The following HAO1 variants were observed in gnomAD, a reference collection of about 807,000 sequenced individuals.
HAO1 encodes 2-Hydroxyacid oxidase 1.
In HAO1, 34 loss-of-function variants were observed where a neutral mutation model predicts 39.7. The ratio of observed to expected loss-of-function variants is 0.86; its 90% CI spans 0.65 to 1.14. HAO1 has a LOEUF of 1.14. Ranked by LOEUF, HAO1 falls within the 50% of genes most tolerant of loss-of-function variation. HAO1 has a pLI of 0.00. For missense variants in HAO1, 479 were observed against 464.5 expected (o/e 1.03, Z -0.29); for synonymous variants, 172 against 173.2 (o/e 0.99, Z 0.05).
chr20:7,921,365 C>G (rs931658284), intron 2 of HAO1, among the ~76,000 whole-genome samples: 1 of 152,108 alleles, frequency 6.6e-6, no homozygotes, highest in South Asian at 2.1e-4. Context: ...TGCTCATCAT[C>G]TCTAATCATC....
At chr20:7,935,450 T>C (rs746261056) in intron 1 of HAO1, among the ~76,000 whole-genome samples, 4 of 152,240 alleles carry the variant, frequency 2.6e-5, no homozygotes, top group Non-Finnish European at 4.4e-5. Context: ...TTTGTCTTCT[T>C]TTTATGTGAT....
At chr20:7,936,548 T>TGTGTGTGTGTGTGTGTGTGTG (rs1555775557) in intron 1 of HAO1, among the ~76,000 whole-genome samples, 132 of 50,714 alleles carry the variant, frequency 2.6e-3, no homozygotes, top group East Asian at 3.3e-3. Context: ...GTGTGTGTGT[T>TGTGTGTGTGTGTGTGTGTGTG]CGCGCGCGCG....
intron 4 of HAO1, among the ~76,000 whole-genome samples, chr20:7,902,479 T>C (rs1449234879): frequency 1.3e-5 from 2 of 152,194 alleles, no homozygotes; most frequent in African/African-American, 2.4e-5. Flanking sequence ...GGTATATACA[T>C]TGTTTTTTAG....
intron 3 of HAO1, among the ~76,000 whole-genome samples, chr20:7,911,099 A>AC (rs1417209453): frequency 6.6e-6 from 1 of 152,166 alleles, no homozygotes; most frequent in Non-Finnish European, 1.5e-5. Flanking sequence ...TATTGAAAGA[A>AC]CCGCAGGGAA....
chr20:7,929,758 G>A (rs2050377782), intron 2 of HAO1, among the ~76,000 whole-genome samples: 1 of 152,118 alleles, frequency 6.6e-6, no homozygotes. Context: ...TAGCTACCCA[G>A]GAGGCTGAGG....
At chr20:7,902,929 C>T (rs917369996) in intron 4 of HAO1, among the ~76,000 whole-genome samples, 1 of 152,176 alleles carries the variant, frequency 6.6e-6, no homozygotes, top group African/African-American at 2.4e-5. Flanking sequence ...AATGGTGAGA[C>T]AGTCAGATGT....
intron 5 of HAO1, among the ~76,000 whole-genome samples, chr20:7,891,396 G>T (rs2050173588): frequency 6.6e-6 from 1 of 151,554 alleles, no homozygotes; most frequent in South Asian, 2.1e-4. Flanking sequence ...CAGATTGTTT[G>T]TTTTTTTTCT....
At chr20:7,891,941 C>T (rs1342163611) in intron 5 of HAO1, among the ~76,000 whole-genome samples, 3 of 152,188 alleles carry the variant, frequency 2.0e-5, no homozygotes, top group Non-Finnish European at 4.4e-5. Context: ...AACCTCTCCA[C>T]CCTACTCAGA....
chr20:7,891,805 T>A (rs1003955270), intron 5 of HAO1, among the ~76,000 whole-genome samples: 1 of 152,160 alleles, frequency 6.6e-6, no homozygotes, highest in Non-Finnish European at 1.5e-5. Flanking sequence ...TCCCTTAAAA[T>A]CTAGTTAGAT....
chr20:7,893,195 T>C (rs1046630351), intron 5 of HAO1, among the ~76,000 whole-genome samples: 3 of 152,168 alleles, frequency 2.0e-5, no homozygotes, highest in African/African-American at 7.2e-5. Context: ...AAACCGCCTT[T>C]GCAAAAATTA....
At chr20:7,900,280 C>T (rs1401333218) in intron 4 of HAO1, among the ~76,000 whole-genome samples, 1 of 152,122 alleles carries the variant, frequency 6.6e-6, no homozygotes, top group Non-Finnish European at 1.5e-5. Flanking sequence ...CCATCAACAT[C>T]TAGGAAAGAC....
At chr20:7,919,669 T>C (rs2050322205) in intron 2 of HAO1, among the ~76,000 whole-genome samples, 1 of 152,164 alleles carries the variant, frequency 6.6e-6, no homozygotes, top group Non-Finnish European at 1.5e-5. Flanking sequence ...CATTGCAAGA[T>C]CATCTACTGG....
chr20:7,914,360 C>T lies in HAO1; in HGVS notation c.349G>A (p.Glu117Lys), dbSNP rs2050296288. The T allele has an allele frequency of 6.2e-7, 1 of 1,613,972 alleles. No individual in the cohort carries two copies. Among genetic ancestry groups the T allele is most frequent in the Non-Finnish European group, 8.5e-7 (1 of 1,179,954 alleles). Residue 117 changes from glutamate (E) to lysine (K), a missense_variant, in exon 3 of 8, where the codon GAA becomes AAA. Physicochemically the swap from Glu to Lys is moderately conservative, Grantham distance 56 (BLOSUM62 1). Transcript: ENST00000378789. ...GCCTCAGGACCAGCTTCCGCCACTT[C>T]TTCAATTGAGGAGGTGGCCCAGGAA... ...LSSWATSSIE[E>K]VAEAGPEALR...
intron 2 of HAO1, among the ~76,000 whole-genome samples, chr20:7,929,862 CA>C (rs2050378234): frequency 6.6e-6 from 1 of 151,476 alleles, no homozygotes; most frequent in Admixed American, 6.6e-5. Context: ...GACTCTGTCT[CA>C]AAAAAATAAG....
chr20:7,938,027 G>C (rs1468902717), intron 1 of HAO1, among the ~76,000 whole-genome samples: 1 of 152,156 alleles, frequency 6.6e-6, no homozygotes, highest in African/African-American at 2.4e-5. Context: ...ATGACCTTTT[G>C]TTGTACTTGC....
At chr20:7,897,802 G>A (rs984844385) in intron 4 of HAO1, among the ~76,000 whole-genome samples, 3 of 151,854 alleles carry the variant, frequency 2.0e-5, no homozygotes, top group African/African-American at 7.3e-5. Context: ...TTATGTTTTG[G>A]TGTTTCTGAT....
chr20:7,899,757 A>G (rs1423566038), intron 4 of HAO1, among the ~76,000 whole-genome samples: 2 of 152,290 alleles, frequency 1.3e-5, no homozygotes, highest in East Asian at 3.9e-4. Flanking sequence ...GAGAAAAGCA[A>G]TTTTGCCTTA....
chr20:7,902,942 G>A (rs1363426778), intron 4 of HAO1, among the ~76,000 whole-genome samples: 1 of 152,136 alleles, frequency 6.6e-6, no homozygotes. Flanking sequence ...TCAGATGTTT[G>A]GTCTAGATCT....
intron 2 of HAO1, among the ~76,000 whole-genome samples, chr20:7,925,729 T>G (rs1451837332): frequency 6.6e-6 from 1 of 152,144 alleles, no homozygotes; most frequent in Non-Finnish European, 1.5e-5. Context: ...CTTTTTTCAC[T>G]GTCACATTTT....
Sources: allele counts gnomAD v4.1 joint callset (sites outside exome capture counted in the v4.1 genomes callset), GRCh38; gene constraint gnomAD v4.1.1; transcripts MANE v1.5; gene names NCBI Gene and HGNC (gene_info 2026-07-23, HGNC 2026-07-21).